The following ZRANB3 variants were observed in gnomAD, a reference collection of about 807,000 sequenced individuals.
ZRANB3 encodes the protein DNA annealing helicase and endonuclease ZRANB3.
In ZRANB3, 125 loss-of-function variants were observed where a neutral mutation model predicts 133.8. That is an observed-to-expected ratio of 0.93 (90% CI 0.81 to 1.08). The LOEUF is 1.08. Among genes scored for constraint, ZRANB3 ranks in the 50% least tolerant of loss-of-function variants. ZRANB3 has a pLI of 0.00. For missense variants in ZRANB3, 1,229 were observed against 1,275.5 expected, an observed-to-expected ratio of 0.96 and a Z score of 0.56; for synonymous variants, 387 against 432.7, an observed-to-expected ratio of 0.89 and a Z score of 1.31.
intron 1 of ZRANB3, among the ~76,000 whole-genome samples, chr2:135,506,061 T>C (rs527391825): frequency 5.3e-5 from 8 of 152,024 alleles, no homozygotes; most frequent in Admixed American, 2.6e-4. Context: ...AGGACCCAAA[T>C]TGAGAAAGGG....
chr2:135,309,430 T>C (rs188328351), intron 8 of ZRANB3, among the ~76,000 whole-genome samples: 2 of 152,282 alleles, frequency 1.3e-5, no homozygotes, highest in East Asian at 3.9e-4. Context: ...AAAAGGCATA[T>C]ATATTACAAG....
intron 3 of ZRANB3, among the ~76,000 whole-genome samples, chr2:135,379,640 T>C (rs963168491): frequency 6.6e-6 from 1 of 152,142 alleles, no homozygotes; most frequent in African/African-American, 2.4e-5. Context: ...AGGCCTGCCT[T>C]ACAACACCTA....
chr2:135,327,009 G>C (rs1488793877), intron 6 of ZRANB3, among the ~76,000 whole-genome samples: 2 of 151,832 alleles, frequency 1.3e-5, no homozygotes, highest in Non-Finnish European at 2.9e-5. Flanking sequence ...AAAATAATAT[G>C]GAGTAGAAGA....
intron 2 of ZRANB3, among the ~76,000 whole-genome samples, chr2:135,393,649 T>A (rs1333711669): frequency 6.6e-6 from 1 of 152,112 alleles, no homozygotes; most frequent in African/African-American, 2.4e-5. Context: ...AGTTTCAGGA[T>A]GGATTAAAGA....
chr2:135,289,964 C>G (rs1237648227), intron 8 of ZRANB3, among the ~76,000 whole-genome samples: 1 of 152,180 alleles, frequency 6.6e-6, no homozygotes, highest in Non-Finnish European at 1.5e-5. Context: ...TGTGGCCCAT[C>G]ATATGGTCTA....
chr2:135,506,476 A>G (rs1368877164), intron 1 of ZRANB3, among the ~76,000 whole-genome samples: 1 of 152,232 alleles, frequency 6.6e-6, no homozygotes, highest in Non-Finnish European at 1.5e-5. Context: ...AACAAGAGCC[A>G]AATCATATAC....
chr2:135,346,536 A>T (rs1047848381), intron 5 of ZRANB3, among the ~76,000 whole-genome samples: 1 of 151,630 alleles, frequency 6.6e-6, no homozygotes, highest in Non-Finnish European at 1.5e-5. Flanking sequence ...CCATCCATCC[A>T]TTCATTCATC....
intron 2 of ZRANB3, among the ~76,000 whole-genome samples, chr2:135,402,916 C>A (rs1269726221): frequency 2.0e-5 from 3 of 152,090 alleles, no homozygotes; most frequent in African/African-American, 7.2e-5. Flanking sequence ...AACCTTATTG[C>A]ATAATACACA....
chr2:135,481,633 G>T (rs1261017944), intron 2 of ZRANB3, among the ~76,000 whole-genome samples: 1 of 149,888 alleles, frequency 6.7e-6, no homozygotes, highest in Non-Finnish European at 1.5e-5. Context: ...GATCCCATTT[G>T]TCAATTTTGG....
intron 2 of ZRANB3, among the ~76,000 whole-genome samples, chr2:135,426,853 AAAAAAAAAAAATATATATATATATAT>A (rs1689100129): frequency 1.6e-5 from 1 of 62,512 alleles, no homozygotes; most frequent in African/African-American, 9.0e-5. Flanking sequence ...AAAAAAAAAA[AAAAAAAAAAAATATATATATATATAT>A]ATATATATAT....
chr2:135,409,009 T>C (rs1208500799), intron 2 of ZRANB3, among the ~76,000 whole-genome samples: 1 of 151,864 alleles, frequency 6.6e-6, no homozygotes, highest in East Asian at 1.9e-4. Context: ...GGCTCAGTAA[T>C]TTATAAAGAA....
chr2:135,401,910 T>C (rs536920252), intron 2 of ZRANB3, among the ~76,000 whole-genome samples: 1 of 152,350 alleles, frequency 6.6e-6, no homozygotes, highest in Non-Finnish European at 1.5e-5. Context: ...GCTATTAGTT[T>C]TGGCCATAAA....
At chr2:135,455,857 G>T (rs1395391166) in intron 2 of ZRANB3, among the ~76,000 whole-genome samples, 1 of 152,024 alleles carries the variant, frequency 6.6e-6, no homozygotes, top group East Asian at 1.9e-4. Context: ...GCCTCCCAAA[G>T]TGCTGGGATT....
intron 6 of ZRANB3, among the ~76,000 whole-genome samples, chr2:135,317,302 A>G (rs1225497902): frequency 6.6e-6 from 1 of 152,066 alleles, no homozygotes; most frequent in Non-Finnish European, 1.5e-5. Context: ...TTCTGCACCT[A>G]TTTTTCCATT....
rs150805238 is a variant in ZRANB3 at position 135,274,070 on chromosome 2, G to A, written c.1086+1566C>T. Among the ~76,000 whole-genome samples, 951 of 152,286 alleles carry A rather than the reference G, an allele frequency of 6.2e-3. 8 individuals are homozygous for A. Among genetic ancestry groups the A allele is most frequent in the South Asian group, 0.042 (202 of 4,830 alleles). On this transcript the variant is annotated intron_variant, in intron 9 of 20. Transcript: ENST00000264159. The stretch of plus-strand genomic sequence containing the variant: ...TTTCAGAAACTATATGATAACCAAT[G>A]AGAAAGTACCTTTTAATGTATAGCA...
chr2:135,428,301 G>A (rs1226583733), intron 2 of ZRANB3, among the ~76,000 whole-genome samples: 10 of 151,732 alleles, frequency 6.6e-5, no homozygotes, highest in African/African-American at 1.5e-4. Context: ...AAAATTAGCC[G>A]GGCTTGGTAG....
intron 12 of ZRANB3, among the ~76,000 whole-genome samples, chr2:135,240,598 AGACAGGGTCTTCCTCTGTCACCCAGGTTG>A (rs1385684704): frequency 4.6e-5 from 7 of 152,042 alleles, no homozygotes; most frequent in Admixed American, 2.6e-4. Context: ...TTCCTTTTTG[AGACAGGGTCTTCCTCTGTCACCCAGGTTG>A]GAGTGTAGTG....
intron 17 of ZRANB3, among the ~76,000 whole-genome samples, chr2:135,215,318 A>G (rs1694259814): frequency 6.6e-6 from 1 of 151,836 alleles, no homozygotes; most frequent in Admixed American, 6.6e-5. Flanking sequence ...CTGCAGTGGC[A>G]CAATCATGGG....
chr2:135,428,224 C>T (rs1689176041), intron 2 of ZRANB3, among the ~76,000 whole-genome samples: 1 of 151,924 alleles, frequency 6.6e-6, no homozygotes, highest in Non-Finnish European at 1.5e-5. Context: ...AGGTGGATCA[C>T]CTAAGGTGAG....
Sources: gnomAD v4.1 joint callset for allele counts (sites outside exome capture counted in the v4.1 genomes callset) on GRCh38, gnomAD v4.1.1 for gene constraint, MANE v1.5 for transcripts, NCBI Gene and HGNC (gene_info 2026-07-23, HGNC 2026-07-21) for gene names.